The following OLA1 variants were observed in gnomAD, a reference collection of about 807,000 sequenced individuals.
OLA1 encodes Obg like ATPase 1, also known as obg-like ATPase 1.
Under a neutral mutation model 48.4 loss-of-function variants are expected in OLA1, and 14 were observed. That is an observed-to-expected ratio of 0.29 (90% confidence interval 0.19 to 0.45). OLA1 has a LOEUF of 0.45. Among genes scored for constraint, OLA1 ranks in the 20% least tolerant of loss-of-function variants. The pLI, the probability that OLA1 is intolerant of heterozygous loss-of-function variation, is 1.00. For missense variants in OLA1, 325 were observed against 467.1 expected, an observed-to-expected ratio of 0.70 and a Z score of 2.80; for synonymous variants, 127 against 150.4, an observed-to-expected ratio of 0.84 and a Z score of 1.14.
intron 5 of OLA1, among the ~76,000 whole-genome samples, chr2:174,138,332 G>A (rs953197746): frequency 3.3e-5 from 5 of 152,134 alleles, no homozygotes; most frequent in African/African-American, 1.2e-4. Flanking sequence ...CAGACAACCC[G>A]GGAGAGGGAG....
At chr2:174,110,570 A>G (rs908795247) in intron 7 of OLA1, among the ~76,000 whole-genome samples, 1 of 151,454 alleles carries the variant, frequency 6.6e-6, no homozygotes, top group Non-Finnish European at 1.5e-5. Context: ...TCAGCCTCCC[A>G]CATAGCTGGG....
At chr2:174,193,195 T>C (rs1687812242) in intron 4 of OLA1, among the ~76,000 whole-genome samples, 1 of 151,800 alleles carries the variant, frequency 6.6e-6, no homozygotes, top group Admixed American at 6.6e-5. Flanking sequence ...ATTCAAGCGA[T>C]TCTCGTGCCT....
At chr2:174,222,207 C>T (rs1415762877) in intron 4 of OLA1, among the ~76,000 whole-genome samples, 5 of 152,090 alleles carry the variant, frequency 3.3e-5, no homozygotes, top group Non-Finnish European at 7.4e-5. Context: ...ATAAAAGGCA[C>T]ACAAAAAGTA....
intron 4 of OLA1, among the ~76,000 whole-genome samples, chr2:174,190,698 A>G (rs1687754479): frequency 1.3e-5 from 2 of 152,062 alleles, no homozygotes; most frequent in African/African-American, 4.8e-5. Flanking sequence ...ATTATCAAAG[A>G]GTAATGTGGA....
intron 7 of OLA1, among the ~76,000 whole-genome samples, chr2:174,108,143 A>G (rs1459012587): frequency 1.3e-5 from 2 of 151,146 alleles, no homozygotes; most frequent in African/African-American, 2.5e-5. Flanking sequence ...ATAAAAGCGT[A>G]TAATATTTTA....
At chr2:174,156,271 G>A (rs184221343) in intron 4 of OLA1, among the ~76,000 whole-genome samples, 1 of 152,108 alleles carries the variant, frequency 6.6e-6, no homozygotes, top group East Asian at 1.9e-4. Flanking sequence ...GCACCCCCTG[G>A]CCTCTATAAA....
At chr2:174,241,347 T>C (rs1273958376) in intron 2 of OLA1, among the ~76,000 whole-genome samples, 1 of 152,252 alleles carries the variant, frequency 6.6e-6, no homozygotes, top group Non-Finnish European at 1.5e-5. Flanking sequence ...TGGAATGGTT[T>C]GCTACACATC....
intron 4 of OLA1, among the ~76,000 whole-genome samples, chr2:174,218,215 C>G (rs1452237046): frequency 6.6e-6 from 1 of 151,930 alleles, no homozygotes; most frequent in East Asian, 1.9e-4. Flanking sequence ...AATGAAGAAC[C>G]AATATTTTTT....
Position 174,075,663 on chromosome 2 carries a change from A to G in OLA1, c.1090-136T>C. 3 of 601,102 alleles carry G rather than the reference A, an allele frequency of 5.0e-6. No homozygotes were observed. The South Asian group carries it at 6.5e-5, about 13-fold the overall frequency. 37.2% of individuals were successfully genotyped at this position (601,102 alleles called of 1,614,324 possible). On this transcript the variant is annotated intron_variant, in intron 10 of 10. Coordinates refer to ENST00000284719, the MANE Select transcript of OLA1 (RefSeq NM_013341.5). ...AAGAAAAAATGAAATATAGGAAGGC[A>G]TACAAGTTCAAAACTAGACTTGGAG... is the stretch of plus-strand genomic sequence containing the variant.
intron 5 of OLA1, among the ~76,000 whole-genome samples, chr2:174,135,148 A>G (rs971986167): frequency 2.2e-5 from 3 of 138,936 alleles, no homozygotes; most frequent in Admixed American, 7.9e-5. Flanking sequence ...CGACAGAGCA[A>G]GACTCCGCCT....
In OLA1 at chr2:174,153,055, C is replaced by G. The variant is rs190838981; in HGVS notation, c.374-11055G>C. ...AAAACTACCATCCCTTTGACACATT[C>G]AAAAGTTGATTAAGTTTTCAAAAAG... On this transcript the variant is annotated intron_variant, in intron 4 of 10. Transcript: ENST00000284719. 2.0e-4 allele frequency among the ~76,000 whole-genome samples: 30 copies of G among 152,194 alleles called. No individual in the cohort carries two copies. The East Asian group carries it at 5.8e-3, about 29-fold the overall frequency.
At chr2:174,098,987 G>A (rs934685955) in intron 7 of OLA1, among the ~76,000 whole-genome samples, 19 of 151,744 alleles carry the variant, frequency 1.3e-4, no homozygotes, top group East Asian at 1.9e-4. Flanking sequence ...TATTCTGTCC[G>A]TTGTATAGAC....
rs1684631744 is a variant in OLA1 at position 174,072,806 on chromosome 2, A to T, written c.*2620T>A. Reference sequence around the variant, plus strand: ...TCCACCAATGAAACTGGCAAGTTATAAGTGAACAGAGGCTTCACTCATAAC... The same window carrying T: ...TCCACCAATGAAACTGGCAAGTTATTAGTGAACAGAGGCTTCACTCATAAC... On this transcript the variant is annotated 3_prime_UTR_variant, in exon 11 of 11. Transcript: ENST00000284719. 1 of 152,248 alleles carries T rather than the reference A, an allele frequency of 6.6e-6. No homozygotes were observed. Among genetic ancestry groups the T allele is most frequent in the East Asian group, 1.9e-4 (1 of 5,202 alleles). 9.4% of individuals were successfully genotyped at this position (152,248 alleles called of 1,614,324 possible).
chr2:174,157,573 C>G (rs549583382), intron 4 of OLA1, among the ~76,000 whole-genome samples: 1 of 152,254 alleles, frequency 6.6e-6, no homozygotes, highest in East Asian at 1.9e-4. Flanking sequence ...GAATTTGAAA[C>G]TAGTGTTTAA....
chr2:174,154,855 A>T (rs1686835083), intron 4 of OLA1, among the ~76,000 whole-genome samples: 1 of 152,236 alleles, frequency 6.6e-6, no homozygotes, highest in Non-Finnish European at 1.5e-5. Context: ...AATTTTTCTA[A>T]CATTGGCACC....
chr2:174,122,693 T>A (rs1209007667), intron 7 of OLA1, among the ~76,000 whole-genome samples: 1 of 151,978 alleles, frequency 6.6e-6, no homozygotes, highest in East Asian at 1.9e-4. Context: ...TCGATGTACT[T>A]TTAAAGCATT....
rs139913634 is a variant in OLA1 at position 174,075,345 on chromosome 2, C to T, written c.*81G>A. The T allele has an allele frequency of 1.1e-5, 8 of 718,560 alleles. No homozygotes were observed. The Admixed American group carries it at 2.1e-4, about 19-fold the overall frequency. The allele number at this position is 718,560 out of a possible 1,614,324, so 44.5% of individuals were successfully genotyped here. A position where few individuals can be genotyped will look rare whatever the true frequency, so the allele number is the denominator to read the frequency against. ...CCCATCTCCCCAACTTTATTTGTCG[C>T]ATTGGTTTTCAGAAATTTTAATTTT... On this transcript the variant is annotated 3_prime_UTR_variant, in exon 11 of 11. Coordinates refer to ENST00000284719, the MANE Select transcript of OLA1 (RefSeq NM_013341.5).
At chr2:174,095,325 G>GTTTTTTTTTTTTTT (rs1205716344) in intron 7 of OLA1, among the ~76,000 whole-genome samples, 33 of 77,964 alleles carry the variant, frequency 4.2e-4, no homozygotes, top group Admixed American at 6.0e-4. Flanking sequence ...GTTATTTCCT[G>GTTTTTTTTTTTTTT]TTTTTTTTTT....
chr2:174,188,768 T>C (rs140036637), intron 4 of OLA1, among the ~76,000 whole-genome samples: 1,558 of 152,292 alleles, frequency 0.01, 25 homozygotes, highest in South Asian at 0.06. Context: ...TATTAAAAAA[T>C]ATTGTATAAA....
Sources: allele counts gnomAD v4.1 joint callset (sites outside exome capture counted in the v4.1 genomes callset), GRCh38; gene constraint gnomAD v4.1.1; transcripts MANE v1.5; gene names NCBI Gene and HGNC (gene_info 2026-07-23, HGNC 2026-07-21).